SERPINI2: variants seen among roughly 807,000 people sequenced by gnomAD.
The protein encoded by SERPINI2 is serpin family I member 2, also known as serpin I2.
A neutral mutation model predicts 47.3 loss-of-function variants in SERPINI2; 48 were observed. The ratio of observed to expected loss-of-function variants is 1.02; its 90% CI spans 0.81 to 1.29. The LOEUF (loss-of-function observed/expected upper bound fraction) is 1.29. Ranked by LOEUF, SERPINI2 falls within the 50% of genes most tolerant of loss-of-function variation. The pLI is 0.00. For synonymous variants in SERPINI2, 135 were observed against 149.3 expected (o/e 0.90, Z 0.70); for missense variants, 448 against 456.9 (o/e 0.98, Z 0.18).
chr3:167,455,220 G>A (rs1040623790), intron 5 of SERPINI2, among the ~76,000 whole-genome samples: 5 of 152,232 alleles, frequency 3.3e-5, no homozygotes, highest in Admixed American at 2.0e-4. Context: ...TAAACAATTA[G>A]CAACTAAATC....
At chr3:167,457,215 G>T (rs1454612363) in intron 5 of SERPINI2, among the ~76,000 whole-genome samples, 3 of 152,160 alleles carry the variant, frequency 2.0e-5, no homozygotes, top group African/African-American at 7.2e-5. Flanking sequence ...CAAAAATTCA[G>T]TGAGAACTAT....
intron 2 of SERPINI2, among the ~76,000 whole-genome samples, chr3:167,468,378 A>G (rs1187288781): frequency 6.6e-6 from 1 of 151,948 alleles, no homozygotes; most frequent in Non-Finnish European, 1.5e-5. Context: ...CTAGCAGCCC[A>G]TAGGTCATCT....
upstream of SERPINI2, among the ~76,000 whole-genome samples, chr3:167,474,746 T>A (rs150568058): frequency 5.3e-4 from 81 of 151,836 alleles, 1 homozygote; most frequent in East Asian, 0.015. Flanking sequence ...TGCAAAAAGG[T>A]CATTAATAAA....
At chr3:167,471,184 C>G (rs1291762121) in intron 2 of SERPINI2, among the ~76,000 whole-genome samples, 3 of 151,850 alleles carry the variant, frequency 2.0e-5, no homozygotes, top group Non-Finnish European at 2.9e-5. Flanking sequence ...TATTTTGAAT[C>G]AGTTCCATGA....
chr3:167,475,362 T>C (rs368389997), upstream of SERPINI2, among the ~76,000 whole-genome samples: 9 of 151,890 alleles, frequency 5.9e-5, no homozygotes, highest in East Asian at 1.5e-3. Context: ...AGCAAACATA[T>C]ATCACCAGTA....
rs763974145 is a variant in SERPINI2, at chr3:167,465,498, A to C, written c.654T>G (p.Ala218=). 9 of 1,613,476 alleles carry C rather than the reference A, an allele frequency of 5.6e-6. No individual in the cohort carries two copies. In the Admixed American group the frequency reaches 8.3e-5, roughly 15 times the overall value. ...CATTACCATATTTTGTTCTCAGAAG[A>C]GCCTTCATCATTGGAATTTTGACAG... The change falls in exon 4 of 9, where the codon GCT becomes GCG. Residue 218 remains alanine, a synonymous_variant. Transcript: ENST00000264677.
At chr3:167,448,553 C>T (rs571955915) in intron 7 of SERPINI2, among the ~76,000 whole-genome samples, 3 of 151,884 alleles carry the variant, frequency 2.0e-5, no homozygotes, top group Admixed American at 6.6e-5. Flanking sequence ...GATGGAGTCT[C>T]GCTCTGTTGC....
exon 4 of SERPINI2, chr3:167,465,640 A>C (rs750318680): frequency 6.2e-7 from 1 of 1,610,466 alleles, no homozygotes; most frequent in African/African-American, 1.3e-5. Context: ...CAGAGGGCCA[A>C]ATTCTTCCCC....
chr3:167,443,209 G>A (rs1027384100), intron 8 of SERPINI2, among the ~76,000 whole-genome samples: 21 of 152,286 alleles, frequency 1.4e-4, no homozygotes, highest in East Asian at 1.9e-4. Flanking sequence ...CCGGGTTCAC[G>A]CCATTCTCCT....
chr3:167,443,683 G>C (rs9854495), intron 8 of SERPINI2, among the ~76,000 whole-genome samples: 29,044 of 151,884 alleles, frequency 0.19, 4,121 homozygotes, highest in African/African-American at 0.39. Flanking sequence ...TAAACACTAA[G>C]TTATAATTGA....
At chr3:167,471,824 A>T in exon 2 of SERPINI2, 2 of 1,609,482 alleles carry the variant, frequency 1.2e-6, no homozygotes. Flanking sequence ...CCACAAGAAG[A>T]TTGTGTCCAT....
chr3:167,455,293 C>T (rs1435303037), intron 5 of SERPINI2, among the ~76,000 whole-genome samples: 3 of 152,086 alleles, frequency 2.0e-5, no homozygotes, highest in Admixed American at 6.6e-5. Flanking sequence ...TAATTCACTC[C>T]CAAATGTAAC....
chr3:167,450,552 A>T (rs1464895075), intron 6 of SERPINI2, among the ~76,000 whole-genome samples: 1 of 149,066 alleles, frequency 6.7e-6, no homozygotes, highest in Non-Finnish European at 1.5e-5. Flanking sequence ...GTAATATATA[A>T]GTCAATAATA....
chr3:167,459,495 A>G (rs899814970), intron 5 of SERPINI2, among the ~76,000 whole-genome samples: 5 of 152,136 alleles, frequency 3.3e-5, no homozygotes, highest in African/African-American at 4.8e-5. Context: ...TATCTAGTAT[A>G]TTACAGATAA....
intron 1 of SERPINI2, among the ~76,000 whole-genome samples, chr3:167,473,439 T>C (rs1047196047): frequency 6.6e-6 from 1 of 151,626 alleles, no homozygotes; most frequent in African/African-American, 2.4e-5. Flanking sequence ...GACCAAAATA[T>C]GTGTTTGTAG....
intron 5 of SERPINI2, among the ~76,000 whole-genome samples, chr3:167,453,662 G>C (rs976419491): frequency 1.3e-4 from 19 of 148,782 alleles, no homozygotes; most frequent in Admixed American, 5.3e-4. Context: ...GGAGTGGGGG[G>C]GGGTGGGCAA....
chr3:167,463,405 C>T (rs1312559792), intron 5 of SERPINI2, among the ~76,000 whole-genome samples: 1 of 151,742 alleles, frequency 6.6e-6, no homozygotes, highest in Non-Finnish European at 1.5e-5. Context: ...ACCAGAATAA[C>T]AGGGATATTT....
intron 5 of SERPINI2, among the ~76,000 whole-genome samples, chr3:167,455,548 G>A (rs1178501682): frequency 1.3e-5 from 2 of 149,158 alleles, no homozygotes; most frequent in Non-Finnish European, 3.0e-5. Flanking sequence ...AATCATTCTT[G>A]GTGTATTAGG....
At chr3:167,475,722 T>TC (rs1553857482), upstream of SERPINI2, among the ~76,000 whole-genome samples, 3 of 132,888 alleles carry the variant, frequency 2.3e-5, no homozygotes, top group African/African-American at 8.7e-5. Flanking sequence ...TCCTAGAAAA[T>TC]CGGGGTGGGG....
Sources: gnomAD v4.1 joint callset for allele counts (sites outside exome capture counted in the v4.1 genomes callset) on GRCh38, gnomAD v4.1.1 for gene constraint, MANE v1.5 for transcripts, NCBI Gene and HGNC (gene_info 2026-07-23, HGNC 2026-07-21) for gene names.